Variants in JAKMIP3 observed in about 807,000 individuals in gnomAD.
The protein encoded by JAKMIP3 is Janus kinase and microtubule interacting protein 3.
Under a neutral mutation model 118.5 loss-of-function variants are expected in JAKMIP3, and 58 were observed. The ratio of observed to expected loss-of-function variants is 0.49; its 90% confidence interval spans 0.40 to 0.61. The LOEUF (loss-of-function observed/expected upper bound fraction) is 0.61, where lower values mean the gene tolerates loss of function less well. Ranked by LOEUF, JAKMIP3 falls within the 20% of genes least tolerant of loss-of-function variation. JAKMIP3 has a pLI of 0.00. For synonymous variants in JAKMIP3, 486 were observed against 451.2 expected, an observed-to-expected ratio of 1.08 and a Z score of -0.98; for missense variants, 950 against 1,109.0, an observed-to-expected ratio of 0.86 and a Z score of 2.04.
intron 19 of JAKMIP3, among the ~76,000 whole-genome samples, chr10:132,155,642 G>A (rs1362191654): frequency 6.6e-6 from 1 of 152,240 alleles, no homozygotes. Context: ...CAGCTCAGCT[G>A]GTAACCACTA....
chr10:132,155,031 G>A (rs902894948), intron 19 of JAKMIP3, among the ~76,000 whole-genome samples: 61 of 148,660 alleles, frequency 4.1e-4, no homozygotes, highest in African/African-American at 1.4e-3. Flanking sequence ...TGGTGATGAT[G>A]ATGGCAATGA....
In JAKMIP3 at chr10:132,118,335, G is replaced by A. The variant is rs115042223; in HGVS notation, c.633+761G>A. Among the ~76,000 whole-genome samples, 1,636 of 152,320 alleles carry A rather than the reference G, an allele frequency of 0.011. 25 individuals are homozygous for A. The highest frequency in any genetic ancestry group is 0.037 in the African/African-American group (1,541 of 41,566). On this transcript the variant is annotated intron_variant, in intron 3 of 23. Coordinates refer to ENST00000684848, the MANE Select transcript of JAKMIP3 (RefSeq NM_001323087.2). This position sits in a 1 kb window ranked among gnomAD's most constrained non-coding sequence, Gnocchi z 4.8. ...GGATTGCAAGGGACTGATTCCACCC[G>A]ATGCCCCTTGTCCTTTGGAGAGGAG...
At chr10:132,159,757 C>A (rs1483402102) in intron 19 of JAKMIP3, among the ~76,000 whole-genome samples, 1 of 46,162 alleles carries the variant, frequency 2.2e-5, no homozygotes. Context: ...GGGGCCTCTT[C>A]CTGTGTGATA....
rs527582494 is a variant in JAKMIP3 at position 132,118,631 on chromosome 10, A to G, written c.633+1057A>G. ...CACAGCCAGGAAGGGAGAACCAGCC[A>G]TTGTGGAGTAAATATGACCTCGCCA... On this transcript the variant is annotated intron_variant, in intron 3 of 23. Coordinates refer to ENST00000684848, the MANE Select transcript of JAKMIP3 (RefSeq NM_001323087.2). The surrounding 1 kb of genome is among the most constrained non-coding windows in gnomAD (Gnocchi z 4.8). Among the ~76,000 whole-genome samples, 26 of 152,310 alleles carry G rather than the reference A, an allele frequency of 1.7e-4. No homozygotes were observed. The highest frequency in any genetic ancestry group is 6.3e-4 in the African/African-American group (26 of 41,572).
intron 1 of JAKMIP3, among the ~76,000 whole-genome samples, chr10:132,094,462 A>G (rs766745599): frequency 6.6e-6 from 1 of 152,060 alleles, no homozygotes. Flanking sequence ...CCCTTGATGT[A>G]GGGCTCTGCT....
intron 1 of JAKMIP3, among the ~76,000 whole-genome samples, chr10:132,069,743 A>G (rs894257830): frequency 6.6e-6 from 1 of 152,138 alleles, no homozygotes; most frequent in African/African-American, 2.4e-5. Flanking sequence ...GGACAGAAGG[A>G]CCTTCCAGTG....
intron 1 of JAKMIP3, among the ~76,000 whole-genome samples, chr10:132,095,873 G>A (rs963075705): frequency 2.2e-4 from 33 of 152,166 alleles, no homozygotes; most frequent in Non-Finnish European, 4.1e-4. Flanking sequence ...GGCAGGAGTG[G>A]CCCACCACAG....
intron 1 of JAKMIP3, among the ~76,000 whole-genome samples, chr10:132,071,270 C>T (rs1017923469): frequency 2.6e-5 from 4 of 151,602 alleles, no homozygotes; most frequent in Non-Finnish European, 5.9e-5. Context: ...GGCCAGAGAA[C>T]GTACTTTGGA....
chr10:132,132,573 G>A (rs537802820), intron 3 of JAKMIP3, among the ~76,000 whole-genome samples: 4 of 152,294 alleles, frequency 2.6e-5, no homozygotes, highest in African/African-American at 9.6e-5. Flanking sequence ...GAGGGCCGCC[G>A]ACCTCTCACA....
chr10:132,141,817 T>C, intron 10 of JAKMIP3, 103 bp from the exon 11 acceptor site: 1 of 1,293,522 alleles, frequency 7.7e-7, no homozygotes, highest in East Asian at 2.6e-5. Context: ...CATACACCAT[T>C]TGATATCTGG....
At chr10:132,142,196 G>C in intron 11 of JAKMIP3, 148 bp downstream of exon 11, 1 of 893,996 alleles carries the variant, frequency 1.1e-6, no homozygotes, top group East Asian at 2.7e-5. Flanking sequence ...TGGTGCCCAT[G>C]GAAGCCGATC....
chr10:132,172,339 G>A (rs1289820934), intron 23 of JAKMIP3, among the ~76,000 whole-genome samples: 1 of 152,044 alleles, frequency 6.6e-6, no homozygotes, highest in African/African-American at 2.4e-5. Flanking sequence ...ACTTGCCTAA[G>A]GGGGTGTCTG....
intron 19 of JAKMIP3, among the ~76,000 whole-genome samples, chr10:132,159,651 TCCC>T (rs2057709640): frequency 4.2e-5 from 3 of 71,460 alleles, no homozygotes; most frequent in Non-Finnish European, 8.9e-5. Context: ...GGGGGGCCTC[TCCC>T]TGTGTGATGC....
At chr10:132,154,641 C>A (rs2056776415) in intron 19 of JAKMIP3, among the ~76,000 whole-genome samples, 1 of 152,112 alleles carries the variant, frequency 6.6e-6, no homozygotes, top group Non-Finnish European at 1.5e-5. Context: ...GGGACCCAGC[C>A]CAGCAGGCAG....
chr10:132,059,429 G>A (rs540072592), intron 1 of JAKMIP3, among the ~76,000 whole-genome samples: 1 of 152,320 alleles, frequency 6.6e-6, no homozygotes, highest in East Asian at 1.9e-4. Context: ...GGGTGAAAAC[G>A]CCCAAGTTTG....
intron 2 of JAKMIP3, among the ~76,000 whole-genome samples, chr10:132,106,355 T>C (rs74510124): frequency 1.6e-5 from 2 of 125,828 alleles, no homozygotes; most frequent in Admixed American, 1.4e-4. Flanking sequence ...ATAAAAATGA[T>C]TTAAAAAAAA....
intron 1 of JAKMIP3, among the ~76,000 whole-genome samples, chr10:132,043,444 G>T (rs868122997): frequency 6.6e-6 from 1 of 152,170 alleles, no homozygotes; most frequent in Admixed American, 6.5e-5. Flanking sequence ...ATCCACACAT[G>T]GTTTTTAACC....
chr10:132,155,268 T>C (rs1220372898), intron 19 of JAKMIP3, among the ~76,000 whole-genome samples: 1 of 152,022 alleles, frequency 6.6e-6, no homozygotes, highest in Non-Finnish European at 1.5e-5. Context: ...GATAGTGTTA[T>C]AATGACAGCC....
intron 19 of JAKMIP3, among the ~76,000 whole-genome samples, chr10:132,161,968 C>T (rs917109599): frequency 4.7e-5 from 7 of 147,612 alleles, no homozygotes; most frequent in African/African-American, 9.7e-5. Flanking sequence ...TGGGATGCTC[C>T]GAGTTTTCTG....
Sources: gnomAD v4.1 joint callset for allele counts (sites outside exome capture counted in the v4.1 genomes callset) on GRCh38, gnomAD v4.1.1 for gene constraint, Gnocchi (gnomAD v3.1) non-coding constraint, MANE v1.5 for transcripts, NCBI Gene and HGNC (gene_info 2026-07-23, HGNC 2026-07-21) for gene names.